The following EPB41L4A variants were observed in gnomAD, a reference collection of about 807,000 sequenced individuals.
EPB41L4A encodes band 4.1-like protein 4A.
Under a neutral mutation model 108.6 loss-of-function variants are expected in EPB41L4A, and 100 were observed. The observed-to-expected ratio is 0.92, with a 90% CI of 0.78 to 1.09. EPB41L4A has a LOEUF of 1.09. Among genes scored for constraint, EPB41L4A ranks in the 50% least tolerant of loss-of-function variants. EPB41L4A has a pLI of 0.00. For synonymous variants in EPB41L4A, 319 were observed against 289.0 expected, an observed-to-expected ratio of 1.10 and a Z score of -1.05; for missense variants, 1,030 against 842.7, an observed-to-expected ratio of 1.22 and a Z score of -2.75.
downstream of EPB41L4A, chr5:112,161,287 A>G: frequency 5.9e-6 from 2 of 340,992 alleles, no homozygotes; most frequent in South Asian, 2.2e-5. Flanking sequence ...GTGATCACCT[A>G]CCCTACAGGT....
chr5:112,244,951 T>G (rs1750098578), intron 9 of EPB41L4A, among the ~76,000 whole-genome samples: 1 of 152,128 alleles, frequency 6.6e-6, no homozygotes. Flanking sequence ...TGAAAAAGTT[T>G]GAAATACTAT....
chr5:112,170,798 C>A lies in EPB41L4A; in HGVS notation c.1670+147G>T. ...GTTGATATGGTTAAGGCACCACCAC[C>A]ATGTGCTCCATGTGCCTGCCACACA... is the stretch of plus-strand genomic sequence containing the variant. On this transcript the variant is annotated intron_variant, in intron 19 of 22. Transcript: ENST00000261486. 7.3e-6 allele frequency: 5 copies of A among 688,100 alleles called. No homozygotes were observed. In the South Asian group the frequency reaches 9.1e-5, roughly 12 times the overall value. The allele number at this position is 688,100 out of a possible 1,614,324, so 42.6% of individuals were successfully genotyped here.
At chr5:112,153,761 A>C (rs188482728) in intron 12 of EPB41L4A, among the ~76,000 whole-genome samples, 1 of 151,576 alleles carries the variant, frequency 6.6e-6, no homozygotes, top group Admixed American at 6.6e-5. Flanking sequence ...CATATTATGG[A>C]ACACAGCATA....
chr5:112,274,785 C>T (rs1218757734), intron 4 of EPB41L4A, among the ~76,000 whole-genome samples: 2 of 152,202 alleles, frequency 1.3e-5, no homozygotes, highest in Non-Finnish European at 2.9e-5. Context: ...ATAGGAAATT[C>T]TGTCTTACTA....
At chr5:112,314,057 A>G (rs1303422583) in intron 1 of EPB41L4A, among the ~76,000 whole-genome samples, 2 of 151,506 alleles carry the variant, frequency 1.3e-5, no homozygotes, top group African/African-American at 4.9e-5. Flanking sequence ...ACGGGGTTTC[A>G]CCGTGTTAGC....
intron 1 of EPB41L4A, among the ~76,000 whole-genome samples, chr5:112,320,685 C>G (rs1273788602): frequency 2.0e-5 from 3 of 152,128 alleles, no homozygotes; most frequent in African/African-American, 7.2e-5. Context: ...TTTCCACTGA[C>G]GTATTTAAGA....
chr5:112,267,609 T>A (rs1385339591), intron 4 of EPB41L4A, among the ~76,000 whole-genome samples: 1 of 152,170 alleles, frequency 6.6e-6, no homozygotes, highest in Non-Finnish European at 1.5e-5. Context: ...CCAAATATGC[T>A]GTTTCTGAAA....
chr5:112,320,682 T>G (rs1355017970), intron 1 of EPB41L4A, among the ~76,000 whole-genome samples: 1 of 152,208 alleles, frequency 6.6e-6, no homozygotes, highest in Non-Finnish European at 1.5e-5. Context: ...TTATTTCCAC[T>G]GACGTATTTA....
chr5:112,387,841 A>G (rs1196494512), intron 1 of EPB41L4A, among the ~76,000 whole-genome samples: 1 of 152,244 alleles, frequency 6.6e-6, no homozygotes, highest in African/African-American at 2.4e-5. Flanking sequence ...GTATACAATC[A>G]TATTAAAGAG....
At chr5:112,248,134 G>A (rs1183452523) in intron 9 of EPB41L4A, among the ~76,000 whole-genome samples, 1 of 152,194 alleles carries the variant, frequency 6.6e-6, no homozygotes, top group Non-Finnish European at 1.5e-5. Flanking sequence ...TCCTGGCAGA[G>A]TGATCCAAAT....
intron 12 of EPB41L4A, 47 bp from the exon 13 acceptor site, chr5:112,210,029 T>C (rs1762660851): frequency 1.7e-6 from 2 of 1,150,074 alleles, no homozygotes; most frequent in East Asian, 2.5e-5. Context: ...GAAACAGTGA[T>C]AAGGAAATGA....
In EPB41L4A at chr5:112,262,191, T is replaced by C. The variant is rs144192566; in HGVS notation, c.642+303A>G. ...ACTTACAGGCATGAGCAACCACGCC[T>C]GGCCTATACATCAATTTTATATTGT... is the stretch of plus-strand genomic sequence containing the variant. On this transcript the variant is annotated intron_variant, in intron 7 of 22. Transcript: ENST00000261486. Among the ~76,000 whole-genome samples the C allele has an allele frequency of 5.9e-3, 895 of 152,296 alleles. 3 individuals are homozygous for C. Among genetic ancestry groups the C allele is most frequent in the Middle Eastern group, 0.01 (3 of 294 alleles).
chr5:112,161,023 T>C (rs1759860449), downstream of EPB41L4A: 1 of 156,266 alleles, frequency 6.4e-6, no homozygotes, highest in African/African-American at 2.4e-5. Flanking sequence ...GTGTCCGAAG[T>C]GTCCGGGGCC....
intron 1 of EPB41L4A, among the ~76,000 whole-genome samples, chr5:112,409,240 A>G (rs541683081): frequency 5.3e-5 from 8 of 152,348 alleles, no homozygotes; most frequent in Admixed American, 1.3e-4. Flanking sequence ...AAAAGATTAC[A>G]TATCATATGA....
intron 2 of EPB41L4A, among the ~76,000 whole-genome samples, chr5:112,299,902 A>T (rs1754242259): frequency 6.6e-6 from 1 of 152,162 alleles, no homozygotes; most frequent in Non-Finnish European, 1.5e-5. Flanking sequence ...GGCTTTTATC[A>T]TTATATAATG....
intron 1 of EPB41L4A, among the ~76,000 whole-genome samples, chr5:112,317,854 C>G (rs936005044): frequency 6.6e-6 from 1 of 152,116 alleles, no homozygotes; most frequent in African/African-American, 2.4e-5. Context: ...AATCTCTCCA[C>G]TTAATGGTAA....
chr5:112,217,735 A>G (rs541435413), intron 12 of EPB41L4A, among the ~76,000 whole-genome samples: 1 of 152,128 alleles, frequency 6.6e-6, no homozygotes, highest in African/African-American at 2.4e-5. Flanking sequence ...TAAAGTTCCA[A>G]GAGTGATATT....
At chr5:112,346,953 T>A (rs1001737552) in intron 1 of EPB41L4A, among the ~76,000 whole-genome samples, 2 of 151,998 alleles carry the variant, frequency 1.3e-5, no homozygotes, top group Non-Finnish European at 2.9e-5. Flanking sequence ...GATCTGGGAG[T>A]AGGCGCCCAA....
At chr5:112,386,993 G>C (rs919426190) in intron 1 of EPB41L4A, among the ~76,000 whole-genome samples, 2 of 152,170 alleles carry the variant, frequency 1.3e-5, no homozygotes, top group Non-Finnish European at 2.9e-5. Flanking sequence ...GCTGCCTTCA[G>C]CTTTGTCAGC....
Sources: gnomAD v4.1 joint callset for allele counts (sites outside exome capture counted in the v4.1 genomes callset) on GRCh38, gnomAD v4.1.1 for gene constraint, MANE v1.5 for transcripts, NCBI Gene and HGNC (gene_info 2026-07-23, HGNC 2026-07-21) for gene names.